Variants in COL6A3 observed in about 807,000 individuals in gnomAD.
COL6A3 encodes the protein collagen alpha-3(VI) chain.
COL6A3 carries 137 observed loss-of-function variants against 274.1 expected under a neutral mutation model. The ratio of observed to expected loss-of-function variants is 0.50; its 90% CI spans 0.44 to 0.58. The LOEUF (loss-of-function observed/expected upper bound fraction) is 0.58. COL6A3 is among the 20% of genes least tolerant of loss of function. The pLI is 0.00. For synonymous variants in COL6A3, 1,650 were observed against 1,650.6 expected, an observed-to-expected ratio of 1.00 and a Z score of 0.01; for missense variants, 3,950 against 4,124.9, an observed-to-expected ratio of 0.96 and a Z score of 1.16.
intron 4 of COL6A3, among the ~76,000 whole-genome samples, chr2:237,387,033 T>C (rs993247815): frequency 7.2e-5 from 11 of 152,126 alleles, no homozygotes; most frequent in Non-Finnish European, 1.6e-4. Flanking sequence ...AAAAAAAAAC[T>C]TCATAAATAT....
chr2:237,367,992 C>G (rs181622785), intron 10 of COL6A3, among the ~76,000 whole-genome samples: 27 of 152,304 alleles, frequency 1.8e-4, no homozygotes, highest in Non-Finnish European at 3.7e-4. Flanking sequence ...AAGAACCAAC[C>G]CTAATGGTTT....
Position 237,361,920 on chromosome 2 carries a change from G to A in COL6A3, c.6064-89C>T. The A allele has an allele frequency of 8.8e-7, 1 of 1,141,694 alleles. No individual in the cohort carries two copies. 70.7% of individuals were successfully genotyped at this position (1,141,694 alleles called of 1,614,324 possible). A position where few individuals can be genotyped will look rare whatever the true frequency, so the allele number is the denominator to read the frequency against. ...TGCGCTTTAAGGGTCAAAATCGGAT[G>A]TGTGGGGGTTTCACGGTGTGAGATG... On this transcript the variant is annotated intron_variant, in intron 14 of 43. Transcript: ENST00000295550. This position sits in a 1 kb window ranked among gnomAD's most constrained non-coding sequence, Gnocchi z 5.1.
rs756150789 is a variant in COL6A3, at chr2:237,334,791, GGTC to G, written c.9061_9063del (p.Asp3021del). Reference sequence around the variant, plus strand: ...TGATCATGGGCTGAGGTGACGGTGAGGTCATAAAAATAAGGACCGGGGGGCTCA... The same window carrying G: ...TGATCATGGGCTGAGGTGACGGTGAGATAAAAATAAGGACCGGGGGGCTCA... On this transcript the variant is annotated inframe_deletion, in exon 41 of 44. Transcript: ENST00000295550. 3.1e-6 allele frequency: 5 copies of G among 1,614,140 alleles called. No homozygotes were observed. Among genetic ancestry groups the G allele is most frequent in the Non-Finnish European group, 4.2e-6 (5 of 1,180,030 alleles).
At chr2:237,359,139 A>T (rs746929681) in intron 19 of COL6A3, 51 bp from the exon 20 acceptor site, 2 of 1,613,690 alleles carry the variant, frequency 1.2e-6, no homozygotes, top group Admixed American at 3.3e-5. Context: ...TCTATCACAG[A>T]CTGAGTTGTT....
chr2:237,366,165 T>C (rs2077547147), intron 11 of COL6A3, 130 bp from the exon 12 acceptor site: 1 of 782,714 alleles, frequency 1.3e-6, no homozygotes, highest in Non-Finnish European at 2.2e-6. Context: ...TGAGATCCTG[T>C]GTGTGTGAGC....
rs763279545 is a variant in COL6A3, at chr2:237,374,443, C to T, written c.3648G>A (p.Leu1216=). Residue 1216 remains leucine (L), a synonymous_variant, in exon 8 of 44, where the codon CTG becomes CTA. Transcript: ENST00000295550. This position sits in a 1 kb window ranked among gnomAD's most constrained non-coding sequence, Gnocchi z 4.8. Reference sequence around the variant, plus strand: ...TCGGTAGAGGCTGCAACACCGGCTGCAGCCTGCTCAGCTCCTCGCGGGTGA... The same window carrying T: ...TCGGTAGAGGCTGCAACACCGGCTGTAGCCTGCTCAGCTCCTCGCGGGTGA... ...TQLTREELSR[L]QPVLQPLPSP... 5.6e-6 allele frequency: 9 copies of T among 1,613,400 alleles called. No individual in the cohort carries two copies. In the African/African-American group the frequency reaches 1.1e-4, roughly 19 times the overall value.
intron 1 of COL6A3, among the ~76,000 whole-genome samples, chr2:237,404,838 G>T (rs537397421): frequency 6.6e-6 from 1 of 152,152 alleles, no homozygotes; most frequent in East Asian, 1.9e-4. Context: ...AATAAAATCC[G>T]GGAAGTCTAA....
intron 13 of COL6A3, among the ~76,000 whole-genome samples, chr2:237,363,652 A>T (rs1286535130): frequency 6.6e-6 from 1 of 152,238 alleles, no homozygotes; most frequent in Non-Finnish European, 1.5e-5. Flanking sequence ...CATGAAGTGT[A>T]TTCATGCATG....
rs920117298 is a variant in COL6A3 at position 237,374,422 on chromosome 2, T to G, written c.3669A>C (p.Leu1223=). ...LSRLQPVLQP[L]PSPGVGGKRD... ...GAGTTCCCTGCGTACCTGGGCTCGG[T>G]AGAGGCTGCAACACCGGCTGCAGCC... The change falls in exon 8 of 44, where the codon CTA becomes CTC. Residue 1223 remains leucine (L), a synonymous_variant. Transcript: ENST00000295550. The surrounding 1 kb of genome is among the most constrained non-coding windows in gnomAD (Gnocchi z 4.8). 6.2e-7 allele frequency: 1 copy of G among 1,612,908 alleles called. No individual in the cohort carries two copies. Among genetic ancestry groups the G allele is most frequent in the African/African-American group, 1.3e-5 (1 of 74,928 alleles).
chr2:237,394,671 T>C lies in COL6A3; in HGVS notation c.625A>G (p.Ile209Val), dbSNP rs751370730. The stretch of plus-strand genomic sequence containing the variant: ...ACACAGGACACTAAGTTTCCTACTA[T>C]GTCATGAAGTGAGGTAAAATTCTCT... Reference protein sequence around the residue: ...NLENFTSLHDIVGNLVSCVHS... With the variant: ...NLENFTSLHDVVGNLVSCVHS... Residue 209 changes from isoleucine to valine, a missense_variant, in exon 3 of 44, where the codon ATA (isoleucine) becomes GTA (valine). Physicochemically the swap from Ile to Val is conservative, Grantham distance 29. Coordinates refer to ENST00000295550, the MANE Select transcript of COL6A3 (RefSeq NM_004369.4). 2.1e-5 allele frequency: 34 copies of C among 1,614,114 alleles called. No individual in the cohort carries two copies. The highest frequency in any genetic ancestry group is 2.9e-5 in the Non-Finnish European group (34 of 1,180,042).
intron 1 of COL6A3, among the ~76,000 whole-genome samples, chr2:237,403,565 G>A (rs2078645774): frequency 6.6e-6 from 1 of 152,110 alleles, no homozygotes; most frequent in Non-Finnish European, 1.5e-5. Context: ...ATATTTTTCT[G>A]CAACAAAGTG....
rs72986142 is a variant in COL6A3 at position 237,362,001 on chromosome 2, C to G, written c.6064-170G>C. Among the ~76,000 whole-genome samples the G allele has an allele frequency of 0.028, 4,302 of 152,176 alleles. 91 individuals carry two copies. The highest frequency in any genetic ancestry group is 0.039 in the East Asian group (204 of 5,176). On this transcript the variant is annotated intron_variant, in intron 14 of 43. Coordinates refer to ENST00000295550, the MANE Select transcript of COL6A3 (RefSeq NM_004369.4). ...CTGACGATATGATAGAAATTGCCAGCGAAGTCAGGAGGGCCCAGCTCCTGG... is the reference window on the plus strand; with the variant it reads ...CTGACGATATGATAGAAATTGCCAGGGAAGTCAGGAGGGCCCAGCTCCTGG...
chr2:237,341,543 T>TAAAAAAAA lies in COL6A3; in HGVS notation c.7766-401_7766-394dup, dbSNP rs71039760. Among the ~76,000 whole-genome samples the TAAAAAAAA allele has an allele frequency of 6.1e-4, 30 of 49,118 alleles. 1 individual carries two copies. The highest frequency in any genetic ancestry group is 2.4e-3 in the African/African-American group (27 of 11,108). The allele number at this position is 49,118 out of a possible 152,430, so 32.2% of individuals were successfully genotyped here. A position where few individuals can be genotyped will look rare whatever the true frequency, so the allele number is the denominator to read the frequency against. On this transcript the variant is annotated intron_variant, in intron 37 of 43. Transcript: ENST00000295550. The stretch of plus-strand genomic sequence containing the variant: ...TGGGCAACAAGAGCAAGACTCTGTC[T>TAAAAAAAA]AAAAAAAAAAAAAAAAAAAAAAAAA...
At chr2:237,403,664 T>C (rs2078649243) in intron 1 of COL6A3, among the ~76,000 whole-genome samples, 1 of 152,142 alleles carries the variant, frequency 6.6e-6, no homozygotes, top group Non-Finnish European at 1.5e-5. Flanking sequence ...TGGACATGGA[T>C]ATATGTTAAC....
intron 42 of COL6A3, among the ~76,000 whole-genome samples, chr2:237,331,538 A>G (rs1260264730): frequency 6.6e-6 from 1 of 152,122 alleles, no homozygotes; most frequent in East Asian, 1.9e-4. Flanking sequence ...CATTACTGTC[A>G]GTGGCAAAAC....
chr2:237,364,511 G>A lies in COL6A3; in HGVS notation c.5839-83C>T, dbSNP rs2077505692. ...CTGATAGAAAACTGAGAGACTCGCT[G>A]TCTCAAGCCCTTCATTTTACACTTA... On this transcript the variant is annotated intron_variant, in intron 12 of 43. Coordinates refer to ENST00000295550, the MANE Select transcript of COL6A3 (RefSeq NM_004369.4). The surrounding 1 kb of genome is among the most constrained non-coding windows in gnomAD (Gnocchi z 4.6). The A allele has an allele frequency of 9.4e-7, 1 of 1,060,818 alleles. No individual in the cohort carries two copies. Among genetic ancestry groups the A allele is most frequent in the Non-Finnish European group, 1.5e-6 (1 of 682,966 alleles). 65.7% of individuals were successfully genotyped at this position (1,060,818 alleles called of 1,614,324 possible). A position where few individuals can be genotyped will look rare whatever the true frequency, so the allele number is the denominator to read the frequency against.
chr2:237,404,298 G>A (rs116415170), intron 1 of COL6A3, among the ~76,000 whole-genome samples: 2 of 152,000 alleles, frequency 1.3e-5, no homozygotes, highest in Non-Finnish European at 2.9e-5. Context: ...TGGAGATAAG[G>A]GTCCATGTTT....
chr2:237,359,054 T>C lies in COL6A3; in HGVS notation c.6389A>G (p.Lys2130Arg), dbSNP rs2077378372. Reference protein sequence around the residue: ...DKGLPGSSGEKGNPGRRGDKG... With the variant: ...DKGLPGSSGERGNPGRRGDKG... ...ACCTACCCTTCTTCCAGGATTCCCT[T>C]TCTCTCCAGAAGAACCAGGCAATCC... Residue 2130 changes from lysine to arginine, a missense_variant, in exon 20 of 44, where the codon AAA becomes AGA. By Grantham distance (26) the Lys-to-Arg change is conservative (BLOSUM62 2). Around this residue, in one of 5 missense-constraint regions of COL6A3, gnomAD observed 92 missense variants for 143.4 expected, o/e 0.64. Transcript: ENST00000295550. The C allele has an allele frequency of 6.2e-7, 1 of 1,614,026 alleles. No homozygotes were observed. The highest frequency in any genetic ancestry group is 8.5e-7 in the Non-Finnish European group (1 of 1,179,978).
At position 237,382,482 on chromosome 2, in the gene COL6A3, T is replaced by C. The variant is rs1366643439; in HGVS notation, c.1313-983A>G. Among the ~76,000 whole-genome samples, 6 of 152,344 alleles carry C rather than the reference T, an allele frequency of 3.9e-5. No individual in the cohort carries two copies. The South Asian group carries it at 1.2e-3, about 32-fold the overall frequency. ...AGCAAAAACATCTCAATAAGATAAC[T>C]GTCTCACAGTGACTGTGAACTGCTG... is the stretch of plus-strand genomic sequence containing the variant. On this transcript the variant is annotated intron_variant, in intron 4 of 43. Coordinates refer to ENST00000295550, the MANE Select transcript of COL6A3 (RefSeq NM_004369.4).
Sources: allele counts gnomAD v4.1 joint callset (sites outside exome capture counted in the v4.1 genomes callset), GRCh38; gene constraint gnomAD v4.1.1; regional missense constraint gnomAD v4.1.1; non-coding constraint Gnocchi (gnomAD v3.1); transcripts MANE v1.5; gene names NCBI Gene and HGNC (gene_info 2026-07-23, HGNC 2026-07-21).